FLRT2: variants seen among roughly 807,000 people sequenced by gnomAD.
FLRT2 encodes leucine-rich repeat transmembrane protein FLRT2.
In FLRT2, 15 loss-of-function variants were observed where a neutral mutation model predicts 40.0. That is an observed-to-expected ratio of 0.38 (90% CI 0.25 to 0.58). FLRT2 has a LOEUF of 0.58. Among genes scored for constraint, FLRT2 ranks in the 20% least tolerant of loss-of-function variants. FLRT2 has a pLI of 0.71. For missense variants in FLRT2, 726 were observed against 840.0 expected (o/e 0.86, Z 1.68); for synonymous variants, 380 against 336.8 (o/e 1.13, Z -1.41).
rs1894490487 is a variant in FLRT2 at position 85,653,926 on chromosome 14, A to G, written c.*30429A>G. On this transcript the variant is annotated 3_prime_UTR_variant, in exon 2 of 2. Coordinates refer to ENST00000330753, the MANE Select transcript of FLRT2 (RefSeq NM_013231.6). ...ATTGAAGTACAAAGAAACTGTAGCTATAATTATCTTTCTTGACACTAACAG... is the reference window on the plus strand; with the variant it reads ...ATTGAAGTACAAAGAAACTGTAGCTGTAATTATCTTTCTTGACACTAACAG... The G allele has an allele frequency of 6.6e-6, 1 of 152,222 alleles. No homozygotes were observed. The highest frequency in any genetic ancestry group is 2.4e-5 in the African/African-American group (1 of 41,470). 9.4% of individuals were successfully genotyped at this position (152,222 alleles called of 1,614,324 possible).
chr14:85,588,504 G>A (rs1443432067), intron 1 of FLRT2, among the ~76,000 whole-genome samples: 1 of 150,858 alleles, frequency 6.6e-6, no homozygotes, highest in Non-Finnish European at 1.5e-5. Flanking sequence ...CATAGTAGGT[G>A]TATATATTTA....
chr14:85,594,010 G>A (rs1892022331), intron 1 of FLRT2, among the ~76,000 whole-genome samples: 1 of 151,924 alleles, frequency 6.6e-6, no homozygotes, highest in South Asian at 2.1e-4. Context: ...CCACTGCACT[G>A]CAGTCTAGGT....
intron 1 of FLRT2, among the ~76,000 whole-genome samples, chr14:85,538,410 C>T (rs957413294): frequency 6.6e-6 from 1 of 152,158 alleles, no homozygotes; most frequent in Non-Finnish European, 1.5e-5. Context: ...CACAAAGTAA[C>T]TCTCTGGAGC....
chr14:85,617,562 G>T (rs950176036), intron 1 of FLRT2, among the ~76,000 whole-genome samples: 23 of 151,978 alleles, frequency 1.5e-4, no homozygotes, highest in African/African-American at 5.6e-4. Context: ...TAAAAGGATC[G>T]CTGCCTTCAT....
intron 1 of FLRT2, among the ~76,000 whole-genome samples, chr14:85,597,506 A>G (rs1311836911): frequency 1.3e-5 from 2 of 152,060 alleles, no homozygotes; most frequent in Non-Finnish European, 2.9e-5. Context: ...AAGTTGCTCT[A>G]TTTTCTTGAT....
At chr14:85,570,893 C>T (rs917483296) in intron 1 of FLRT2, among the ~76,000 whole-genome samples, 25 of 136,664 alleles carry the variant, frequency 1.8e-4, no homozygotes, top group African/African-American at 6.3e-4. Flanking sequence ...CCAAATTCCC[C>T]TTATTTTTTA....
chr14:85,651,717 C>T lies in FLRT2; in HGVS notation c.*28220C>T, dbSNP rs1464896644. The T allele has an allele frequency of 6.6e-6, 1 of 151,806 alleles. No individual in the cohort carries two copies. Among genetic ancestry groups the T allele is most frequent in the Non-Finnish European group, 1.5e-5 (1 of 67,898 alleles). The allele number at this position is 151,806 out of a possible 1,614,324, so 9.4% of individuals were successfully genotyped here. A position where few individuals can be genotyped will look rare whatever the true frequency, so the allele number is the denominator to read the frequency against. ...TACTTTTTTCTTATTTTTATCCTTT[C>T]TATGTCTTTATGATTAAATTGTGTG... On this transcript the variant is annotated 3_prime_UTR_variant, in exon 2 of 2. Transcript: ENST00000330753.
chr14:85,645,318 A>G lies in FLRT2; in HGVS notation c.*21821A>G, dbSNP rs1188334978. The G allele has an allele frequency of 1.3e-5, 2 of 151,764 alleles. No homozygotes were observed. Among genetic ancestry groups the G allele is most frequent in the African/African-American group, 4.9e-5 (2 of 41,234 alleles). 9.4% of individuals were successfully genotyped at this position (151,764 alleles called of 1,614,324 possible). A position where few individuals can be genotyped will look rare whatever the true frequency, so the allele number is the denominator to read the frequency against. ...TGTATATAGAAGTATATATACACAT[A>G]TAAATGTGTGCGTGTATATATATAT... On this transcript the variant is annotated 3_prime_UTR_variant, in exon 2 of 2. Transcript: ENST00000330753.
intron 1 of FLRT2, among the ~76,000 whole-genome samples, chr14:85,592,814 A>AG (rs1891961565): frequency 6.6e-6 from 1 of 151,108 alleles, no homozygotes; most frequent in Non-Finnish European, 1.5e-5. Flanking sequence ...AAAAGAAAAA[A>AG]AAGAAAACCT....
intron 1 of FLRT2, among the ~76,000 whole-genome samples, chr14:85,592,053 G>A (rs113696201): frequency 4.6e-5 from 7 of 152,134 alleles, no homozygotes; most frequent in Non-Finnish European, 7.4e-5. Flanking sequence ...GACTTTAAAA[G>A]TGTCACATTA....
At chr14:85,575,877 A>C (rs1314411694) in intron 1 of FLRT2, among the ~76,000 whole-genome samples, 2 of 152,314 alleles carry the variant, frequency 1.3e-5, no homozygotes, top group African/African-American at 4.8e-5. Flanking sequence ...TGGCTGGGCT[A>C]TGGAGAAGAT....
chr14:85,558,663 CA>C (rs1326442105), intron 1 of FLRT2, among the ~76,000 whole-genome samples: 1 of 152,082 alleles, frequency 6.6e-6, no homozygotes, highest in Non-Finnish European at 1.5e-5. Context: ...AATGACATCA[CA>C]AAAGAGAGGG....
chr14:85,590,724 G>C (rs1595061502), intron 1 of FLRT2, among the ~76,000 whole-genome samples: 1 of 151,908 alleles, frequency 6.6e-6, no homozygotes, highest in Non-Finnish European at 1.5e-5. Flanking sequence ...TCAGCCTCCC[G>C]ATAGCTGGGA....
rs774116715 is a variant in FLRT2, at chr14:85,623,492, A to T, written c.1978A>T (p.Thr660Ser). Residue 660 changes from threonine (T) to serine (S), a missense_variant, in exon 2 of 2, where the codon ACG becomes TCG. Thr to Ser is a moderately conservative substitution (Grantham distance 58, BLOSUM62 1). This residue lies in a region of FLRT2 where 611 missense variants were observed against 690.0 expected (regional missense o/e 0.89). Coordinates refer to ENST00000330753, the MANE Select transcript of FLRT2 (RefSeq NM_013231.6). ...CGTGCCAGACCTGGAGCACTGCCAT[A>T]CGTGACAGCCAGAGGCCCAGCGTTA... Reference protein sequence around the residue: ...SSVPDLEHCHT With the variant: ...SSVPDLEHCHS 1 of 1,431,646 alleles carries T rather than the reference A, an allele frequency of 7.0e-7. No homozygotes were observed. Among genetic ancestry groups the T allele is most frequent in the South Asian group, 1.9e-5 (1 of 53,078 alleles). 88.7% of individuals were successfully genotyped at this position (1,431,646 alleles called of 1,614,324 possible). A position where few individuals can be genotyped will look rare whatever the true frequency, so the allele number is the denominator to read the frequency against.
intron 1 of FLRT2, among the ~76,000 whole-genome samples, chr14:85,593,412 A>T (rs1036817720): frequency 3.3e-5 from 5 of 152,152 alleles, no homozygotes; most frequent in African/African-American, 1.2e-4. Flanking sequence ...CAGGGCCAGT[A>T]AGGTTAATTT....
chr14:85,547,755 T>C (rs1889366076), intron 1 of FLRT2, among the ~76,000 whole-genome samples: 1 of 151,974 alleles, frequency 6.6e-6, no homozygotes, highest in Non-Finnish European at 1.5e-5. Flanking sequence ...CCTCAGGAGG[T>C]CCTGAGGACG....
intron 1 of FLRT2, among the ~76,000 whole-genome samples, chr14:85,564,837 G>A (rs1008758474): frequency 6.6e-6 from 1 of 152,146 alleles, no homozygotes; most frequent in Non-Finnish European, 1.5e-5. Context: ...GATCTCAAAG[G>A]GGTTTTTGGT....
In FLRT2 at chr14:85,638,184, T is replaced by A. The variant is rs192429574; in HGVS notation, c.*14687T>A. 3 of 152,230 alleles carry A rather than the reference T, an allele frequency of 2.0e-5. No individual in the cohort carries two copies. The highest frequency in any genetic ancestry group is 7.2e-5 in the African/African-American group (3 of 41,446). 9.4% of individuals were successfully genotyped at this position (152,230 alleles called of 1,614,324 possible). A position where few individuals can be genotyped will look rare whatever the true frequency, so the allele number is the denominator to read the frequency against. ...GAGTTTGGAGCACGGGCCATTGCGA[T>A]GGACAGACGCCACCGCAGAGAGCAA... On this transcript the variant is annotated 3_prime_UTR_variant, in exon 2 of 2. Transcript: ENST00000330753.
At chr14:85,596,020 GT>G (rs1892123896) in intron 1 of FLRT2, among the ~76,000 whole-genome samples, 1 of 152,182 alleles carries the variant, frequency 6.6e-6, no homozygotes, top group African/African-American at 2.4e-5. Context: ...GATTGGACTG[GT>G]TTTCATTCCG....
Sources: allele counts gnomAD v4.1 joint callset (sites outside exome capture counted in the v4.1 genomes callset), GRCh38; gene constraint gnomAD v4.1.1; regional missense constraint gnomAD v4.1.1; transcripts MANE v1.5; gene names NCBI Gene and HGNC (gene_info 2026-07-23, HGNC 2026-07-21).